Variants in TMEM260 observed in about 807,000 individuals in gnomAD.
TMEM260 encodes transmembrane protein 260.
In TMEM260, 82 loss-of-function variants were observed where a neutral mutation model predicts 88.9. The ratio of observed to expected loss-of-function variants is 0.92; its 90% CI spans 0.77 to 1.11. The LOEUF (loss-of-function observed/expected upper bound fraction) is 1.11. Among genes scored for constraint, TMEM260 ranks in the 50% least tolerant of loss-of-function variants. TMEM260 has a pLI of 0.00. For synonymous variants in TMEM260, 314 were observed against 309.3 expected, an observed-to-expected ratio of 1.02 and a Z score of -0.16; for missense variants, 902 against 853.4, an observed-to-expected ratio of 1.06 and a Z score of -0.71.
intron 15 of TMEM260, among the ~76,000 whole-genome samples, chr14:56,645,550 G>T (rs572447515): frequency 5.1e-4 from 78 of 152,200 alleles, no homozygotes; most frequent in African/African-American, 1.8e-3. Flanking sequence ...GCTAAATGAC[G>T]AGGTAATGGG....
downstream of TMEM260, among the ~76,000 whole-genome samples, chr14:56,653,745 A>AAAAAAAAAAACAAC (rs1555343564): frequency 4.5e-3 from 616 of 137,402 alleles, 24 homozygotes; most frequent in East Asian, 7.4e-3. Flanking sequence ...CCAAAACAAA[A>AAAAAAAAAAACAAC]AAAAAAAAAA....
the TMEM260 span, among the ~76,000 whole-genome samples, chr14:56,662,228 A>G: frequency 6.6e-6 from 1 of 152,238 alleles, no homozygotes; most frequent in South Asian, 2.1e-4. Flanking sequence ...TTAATATTGC[A>G]AACAACTACT....
chr14:56,633,567 G>A (rs1361130342), intron 13 of TMEM260: 2 of 153,908 alleles, frequency 1.3e-5, no homozygotes, highest in African/African-American at 4.8e-5. Flanking sequence ...GCACAAACTT[G>A]TCATTTTTTT....
rs2139631621 is a variant in TMEM260 at position 56,634,903 on chromosome 14, G to T, written c.1729G>T (p.Asp577Tyr). 2 of 1,613,066 alleles carry T rather than the reference G, an allele frequency of 1.2e-6. No individual in the cohort carries two copies. The highest frequency in any genetic ancestry group is 2.7e-5 in the African/African-American group (2 of 74,954). ...ACTGTTTTCTTGTAACTACAGGTTT[G>T]ATCCATCTTCTTGGGAATCTGTGGC... ...YNWTEEYGRF[D>Y]PSSWESVANE... The change falls in exon 14 of 16, where the codon GAT becomes TAT. Residue 577 changes from aspartate (D) to tyrosine (Y), a missense_variant. Coordinates refer to ENST00000261556, the MANE Select transcript of TMEM260 (RefSeq NM_017799.4).
intron 15 of TMEM260, among the ~76,000 whole-genome samples, chr14:56,638,023 G>A (rs1285316529): frequency 6.7e-6 from 1 of 150,348 alleles, no homozygotes; most frequent in Non-Finnish European, 1.5e-5. Flanking sequence ...AGGAAGGGAA[G>A]GCTTCCAGAG....
At chr14:56,611,422 C>CAAAAA (rs996944019) in intron 6 of TMEM260, among the ~76,000 whole-genome samples, 1 of 151,992 alleles carries the variant, frequency 6.6e-6, no homozygotes, top group African/African-American at 2.4e-5. Context: ...GACATACAGC[C>CAAAAA]AAAAAGCATA....
intron 3 of TMEM260, among the ~76,000 whole-genome samples, chr14:56,596,429 T>C (rs202046561): frequency 0.4 from 55,119 of 138,834 alleles, 11,026 homozygotes; most frequent in African/African-American, 0.46. Context: ...TATATATACA[T>C]ACACACACAT....
intron 12 of TMEM260, among the ~76,000 whole-genome samples, chr14:56,630,809 A>ATGAC (rs1450582094): frequency 6.6e-6 from 1 of 152,146 alleles, no homozygotes; most frequent in African/African-American, 2.4e-5. Context: ...AAGGAGAATG[A>ATGAC]TGACTTTTTG....
chr14:56,596,163 A>T (rs1410410674), intron 3 of TMEM260, among the ~76,000 whole-genome samples: 2 of 152,032 alleles, frequency 1.3e-5, no homozygotes, highest in East Asian at 3.9e-4. Flanking sequence ...TTTGCAGTTT[A>T]AAAAAATATT....
the TMEM260 span, among the ~76,000 whole-genome samples, chr14:56,659,554 GCT>G: frequency 6.6e-6 from 1 of 152,220 alleles, no homozygotes; most frequent in African/African-American, 2.4e-5. Context: ...GGAGCCTGAA[GCT>G]CTGTTTTCAG....
At chr14:56,623,764 T>C (rs902477284) in intron 11 of TMEM260, among the ~76,000 whole-genome samples, 3 of 152,196 alleles carry the variant, frequency 2.0e-5, no homozygotes, top group African/African-American at 7.2e-5. Context: ...CCTAATTCAG[T>C]AAGTATTTTT....
intron 1 of TMEM260, among the ~76,000 whole-genome samples, chr14:56,580,426 C>G (rs1056708930): frequency 1.3e-5 from 2 of 152,184 alleles, no homozygotes. Flanking sequence ...ATGTTTCAAA[C>G]AAAAGAACAG....
downstream of TMEM260, among the ~76,000 whole-genome samples, chr14:56,653,750 A>T (rs1013352710): frequency 6.6e-6 from 1 of 150,940 alleles, no homozygotes; most frequent in Admixed American, 6.6e-5. Context: ...ACAAAAAAAA[A>T]AAAAACAGGA....
chr14:56,598,375 A>G (rs530485029), intron 3 of TMEM260, among the ~76,000 whole-genome samples: 1 of 152,126 alleles, frequency 6.6e-6, no homozygotes, highest in African/African-American at 2.4e-5. Context: ...AGGTCCAGAA[A>G]GCCTGTTGCC....
downstream of TMEM260, among the ~76,000 whole-genome samples, chr14:56,653,748 A>C (rs868444976): frequency 5.5e-5 from 8 of 144,614 alleles, no homozygotes; most frequent in East Asian, 2.5e-4. Context: ...AAACAAAAAA[A>C]AAAAAAACAG....
In TMEM260 at chr14:56,625,002, A is replaced by G. The variant is rs77622310; in HGVS notation, c.1399-380A>G. 9.6e-3 allele frequency among the ~76,000 whole-genome samples: 1,460 copies of G among 152,256 alleles called. 47 individuals carry two copies. The East Asian group carries it at 0.099, about 10-fold the overall frequency. On this transcript the variant is annotated intron_variant, in intron 11 of 15. Coordinates refer to ENST00000261556, the MANE Select transcript of TMEM260 (RefSeq NM_017799.4). ...CACATGTGCAGTTCACAATAGGTTC[A>G]CACTCCTGTGAAAATCTAATGCTGC...
At chr14:56,658,339 C>T in the TMEM260 span, among the ~76,000 whole-genome samples, 1 of 152,042 alleles carries the variant, frequency 6.6e-6, no homozygotes, top group Non-Finnish European at 1.5e-5. Context: ...ACTCCACCTC[C>T]CAGGTTCAAG....
At chr14:56,609,517 G>A (rs1033916135) in intron 6 of TMEM260, among the ~76,000 whole-genome samples, 1 of 152,036 alleles carries the variant, frequency 6.6e-6, no homozygotes, top group Non-Finnish European at 1.5e-5. Context: ...ATACTTTTTA[G>A]GATAGCAGTC....
downstream of TMEM260, among the ~76,000 whole-genome samples, chr14:56,651,108 G>A (rs1890198866): frequency 6.6e-6 from 1 of 152,050 alleles, no homozygotes; most frequent in East Asian, 1.9e-4. Flanking sequence ...AACATCTAAA[G>A]GCCAAGATCT....
Sources: gnomAD v4.1 joint callset for allele counts (sites outside exome capture counted in the v4.1 genomes callset) on GRCh38, gnomAD v4.1.1 for gene constraint, MANE v1.5 for transcripts, NCBI Gene and HGNC (gene_info 2026-07-23, HGNC 2026-07-21) for gene names.